Variants in IQSEC1 observed in about 807,000 individuals in gnomAD.
The protein encoded by IQSEC1 is IQ motif and SEC7 domain-containing protein 1.
Under a neutral mutation model 91.0 loss-of-function variants are expected in IQSEC1, and 31 were observed. That is an observed-to-expected ratio of 0.34 (90% CI 0.26 to 0.46). IQSEC1 has a LOEUF of 0.46. Among genes scored for constraint, IQSEC1 ranks in the 20% least tolerant of loss-of-function variants. IQSEC1 has a pLI of 1.00. For synonymous variants in IQSEC1, 699 were observed against 662.6 expected (o/e 1.05, Z -0.84); for missense variants, 1,388 against 1,575.6 (o/e 0.88, Z 2.02).
chr3:13,099,624 T>G (rs1706023956), intron 2 of IQSEC1, among the ~76,000 whole-genome samples: 1 of 152,150 alleles, frequency 6.6e-6, no homozygotes, highest in African/African-American at 2.4e-5. Context: ...GGACCTTACC[T>G]ATTGCCCGGG....
At chr3:12,925,845 T>C (rs1039295915) in intron 3 of IQSEC1, among the ~76,000 whole-genome samples, 1 of 152,206 alleles carries the variant, frequency 6.6e-6, no homozygotes, top group Non-Finnish European at 1.5e-5. Flanking sequence ...TGCAGGGACA[T>C]GGCACTGACC....
At chr3:13,233,092 C>A (rs1694864105) in intron 1 of IQSEC1, among the ~76,000 whole-genome samples, 1 of 152,158 alleles carries the variant, frequency 6.6e-6, no homozygotes, top group South Asian at 2.1e-4. Context: ...ACTAATGCCA[C>A]CGCAATGTGC....
chr3:12,947,743 A>G (rs1306608220), intron 1 of IQSEC1, among the ~76,000 whole-genome samples: 1 of 152,206 alleles, frequency 6.6e-6, no homozygotes, highest in Non-Finnish European at 1.5e-5. Context: ...TCTGCCCCAG[A>G]GCCCATCACG....
At position 13,029,685 on chromosome 3, in the gene IQSEC1, AGT is replaced by A. The variant is rs1161860146; in HGVS notation, c.23+43305_23+43306del. ...AACCCTCCCCTTGTGCGTGAGCGTG[AGT>A]GTGTGTGCGCACATGCGGTGTGAGA... On this transcript the variant is annotated intron_variant, in intron 1 of 13. Coordinates refer to ENST00000613206, the MANE Select transcript of IQSEC1 (RefSeq NM_001134382.3). 1.5e-4 allele frequency among the ~76,000 whole-genome samples: 23 copies of A among 152,292 alleles called. No homozygotes were observed. The South Asian group carries it at 4.6e-3, about 30-fold the overall frequency.
At chr3:13,168,319 T>C (rs1291340483) in intron 1 of IQSEC1, among the ~76,000 whole-genome samples, 1 of 152,244 alleles carries the variant, frequency 6.6e-6, no homozygotes, top group South Asian at 2.1e-4. Context: ...TCCTACCACC[T>C]GGAGGTAATC....
intron 3 of IQSEC1, among the ~76,000 whole-genome samples, chr3:12,928,618 C>T (rs985712450): frequency 2.6e-5 from 4 of 152,312 alleles, no homozygotes; most frequent in African/African-American, 9.6e-5. Flanking sequence ...ACTCCTAGCC[C>T]GTGTAATGAA....
intron 1 of IQSEC1, among the ~76,000 whole-genome samples, chr3:12,974,642 T>G (rs192550814): frequency 3.5e-4 from 53 of 152,388 alleles, no homozygotes; most frequent in Admixed American, 2.7e-3. Flanking sequence ...GAAATTCCAC[T>G]GAGCTGCTGC....
chr3:13,176,844 G>C (rs1358939515), intron 1 of IQSEC1, among the ~76,000 whole-genome samples: 1 of 152,254 alleles, frequency 6.6e-6, no homozygotes, highest in African/African-American at 2.4e-5. Context: ...GCTCGGTACA[G>C]ATAGGGAAAT....
At chr3:12,980,153 T>A (rs1482215832) in intron 1 of IQSEC1, among the ~76,000 whole-genome samples, 1 of 152,176 alleles carries the variant, frequency 6.6e-6, no homozygotes, top group East Asian at 1.9e-4. Context: ...TCTCCTGTAA[T>A]GCTCCCACCA....
Position 13,206,432 on chromosome 3 carries a change from G to A in IQSEC1, c.273-42299C>T, listed in dbSNP as rs146494604. ...GGAAAATGCAAAAGAACACCACAAT[G>A]AGACACCACGATATGCCCATCAGAG... On this transcript the variant is annotated intron_variant, in intron 1 of 15. Transcript: ENST00000648114. Among the ~76,000 whole-genome samples, 120 of 152,246 alleles carry A rather than the reference G, an allele frequency of 7.9e-4. 2 individuals are homozygous for A. Among genetic ancestry groups the A allele is most frequent in the Admixed American group, 7.1e-3 (108 of 15,288 alleles).
chr3:13,077,109 G>C (rs1705575593), upstream of IQSEC1, among the ~76,000 whole-genome samples: 1 of 151,188 alleles, frequency 6.6e-6, no homozygotes, highest in Non-Finnish European at 1.5e-5. Context: ...AGCAACCATA[G>C]CACACTACAG....
intron 1 of IQSEC1, among the ~76,000 whole-genome samples, chr3:13,071,099 C>A (rs971681394): frequency 6.6e-5 from 10 of 152,082 alleles, no homozygotes; most frequent in African/African-American, 2.2e-4. Context: ...TTGAGCCCTC[C>A]CCCAAACCTA....
At chr3:13,188,015 G>T (rs377033237) in intron 1 of IQSEC1, among the ~76,000 whole-genome samples, 4 of 152,180 alleles carry the variant, frequency 2.6e-5, no homozygotes, top group African/African-American at 9.7e-5. Context: ...GATTCTGGGG[G>T]ACACAGACAT....
intron 1 of IQSEC1, among the ~76,000 whole-genome samples, chr3:13,192,756 T>C (rs529903140): frequency 6.6e-6 from 1 of 152,398 alleles, no homozygotes; most frequent in Admixed American, 6.5e-5. Flanking sequence ...ACTCCACTTC[T>C]TGTGTAGACA....
At chr3:13,043,963 C>T (rs1276297315) in intron 1 of IQSEC1, among the ~76,000 whole-genome samples, 1 of 152,186 alleles carries the variant, frequency 6.6e-6, no homozygotes, top group Non-Finnish European at 1.5e-5. Context: ...CACACAGAGT[C>T]CAGGAGCTGC....
At chr3:13,017,357 G>A (rs370981586) in intron 1 of IQSEC1, among the ~76,000 whole-genome samples, 21 of 152,198 alleles carry the variant, frequency 1.4e-4, no homozygotes, top group African/African-American at 4.8e-4. Context: ...GGTCTAGCCC[G>A]GGGCAGCAAA....
intron 1 of IQSEC1, among the ~76,000 whole-genome samples, chr3:13,053,277 A>G (rs553265740): frequency 2.0e-5 from 3 of 152,338 alleles, no homozygotes; most frequent in East Asian, 1.9e-4. Flanking sequence ...TGGAGCATCT[A>G]TGTGTACCTT....
chr3:13,106,307 C>A (rs925358589), intron 2 of IQSEC1, among the ~76,000 whole-genome samples: 3 of 152,202 alleles, frequency 2.0e-5, no homozygotes, highest in African/African-American at 7.2e-5. Flanking sequence ...CTCTCTACCT[C>A]CCCCAGGCCT....
At chr3:12,932,328 G>A (rs1697752229) in intron 3 of IQSEC1, among the ~76,000 whole-genome samples, 1 of 152,220 alleles carries the variant, frequency 6.6e-6, no homozygotes, top group African/African-American at 2.4e-5. Context: ...AGGAGGTAGG[G>A]AGCCCAGGGA....
Sources: allele counts gnomAD v4.1 joint callset (sites outside exome capture counted in the v4.1 genomes callset), GRCh38; gene constraint gnomAD v4.1.1; transcripts MANE v1.5; gene names NCBI Gene and HGNC (gene_info 2026-07-23, HGNC 2026-07-21).